Variants in FRMD6 observed in about 807,000 individuals in gnomAD.
FRMD6 encodes FERM domain containing 6.
FRMD6 carries 37 observed loss-of-function variants against 73.2 expected under a neutral mutation model. The observed-to-expected ratio is 0.51, with a 90% CI of 0.39 to 0.66. The LOEUF is 0.66. Ranked by LOEUF, FRMD6 falls within the 30% of genes least tolerant of loss-of-function variation. FRMD6 has a pLI of 0.00. For synonymous variants in FRMD6, 273 were observed against 282.2 expected, an observed-to-expected ratio of 0.97 and a Z score of 0.33; for missense variants, 714 against 780.5, an observed-to-expected ratio of 0.91 and a Z score of 1.02.
the FRMD6 span, among the ~76,000 whole-genome samples, chr14:51,466,220 T>G: frequency 6.6e-6 from 1 of 152,222 alleles, no homozygotes; most frequent in Non-Finnish European, 1.5e-5. Flanking sequence ...GCATTTACAT[T>G]TATTAATTGT....
chr14:51,494,923 C>T (rs532245001), intron 1 of FRMD6, among the ~76,000 whole-genome samples: 2 of 152,288 alleles, frequency 1.3e-5, no homozygotes, highest in East Asian at 1.9e-4. Flanking sequence ...CCCAAATATA[C>T]GTTCTCATTC....
At chr14:51,580,844 A>C (rs527836008) in intron 2 of FRMD6, among the ~76,000 whole-genome samples, 1 of 152,330 alleles carries the variant, frequency 6.6e-6, no homozygotes, top group South Asian at 2.1e-4. Context: ...GGAGCACAGC[A>C]CTGTCATGCA....
intron 1 of FRMD6, among the ~76,000 whole-genome samples, chr14:51,663,836 G>A (rs1893393047): frequency 6.6e-6 from 1 of 152,222 alleles, no homozygotes. Flanking sequence ...ATCTGGCCCA[G>A]GTCATCCCAT....
At chr14:51,564,973 C>T (rs1409675020) in intron 1 of FRMD6, among the ~76,000 whole-genome samples, 2 of 152,210 alleles carry the variant, frequency 1.3e-5, no homozygotes, top group Admixed American at 1.3e-4. Context: ...TAACTTGCCA[C>T]GGTCTGTTGT....
the FRMD6 span, among the ~76,000 whole-genome samples, chr14:51,413,031 G>A: frequency 5.4e-4 from 76 of 140,036 alleles, no homozygotes; most frequent in African/African-American, 1.8e-3. Context: ...TCTCTCTGTC[G>A]CCAGGCTGGA....
intron 1 of FRMD6, among the ~76,000 whole-genome samples, chr14:51,674,650 T>A (rs1894256169): frequency 6.6e-6 from 1 of 152,110 alleles, no homozygotes; most frequent in Non-Finnish European, 1.5e-5. Context: ...ATGGTTCCAT[T>A]TTTCATGGAA....
At chr14:51,463,301 T>C in the FRMD6 span, among the ~76,000 whole-genome samples, 3 of 152,250 alleles carry the variant, frequency 2.0e-5, no homozygotes, top group Non-Finnish European at 4.4e-5. Flanking sequence ...TAAAGTGGCA[T>C]AGTATTTGCA....
intron 2 of FRMD6, among the ~76,000 whole-genome samples, chr14:51,624,343 A>G (rs1364813768): frequency 6.6e-6 from 1 of 152,216 alleles, no homozygotes; most frequent in Non-Finnish European, 1.5e-5. Context: ...ATTTTATCTG[A>G]AACTTACCCT....
intron 2 of FRMD6, among the ~76,000 whole-genome samples, chr14:51,590,338 GT>G (rs1440297279): frequency 1.3e-5 from 2 of 151,776 alleles, no homozygotes; most frequent in Non-Finnish European, 2.9e-5. Context: ...TTTTTGGTTT[GT>G]TTTTGTTTTT....
chr14:51,701,014 A>T (rs1896275432), intron 3 of FRMD6, 42 bp from the exon 4 acceptor site: 1 of 997,182 alleles, frequency 1.0e-6, no homozygotes, highest in Non-Finnish European at 1.4e-6. Context: ...TCTTTTAAAA[A>T]TCCTTTCTTT....
Position 51,724,731 on chromosome 14 carries a change from GT to G in FRMD6, c.1493-1036del, listed in dbSNP as rs35156263. The stretch of plus-strand genomic sequence containing the variant: ...AATCACATTACTTAAAGGGTTTTTT[GT>G]TTTTTTTTTTTAAGAAGCCATTTGG... On this transcript the variant is annotated intron_variant, in intron 12 of 13. Coordinates refer to ENST00000344768, the MANE Select transcript of FRMD6 (RefSeq NM_001267046.2). Among the ~76,000 whole-genome samples, 28 of 145,552 alleles carry G rather than the reference GT, an allele frequency of 1.9e-4. 1 individual carries two copies. Among genetic ancestry groups the G allele is most frequent in the South Asian group, 8.8e-4 (4 of 4,556 alleles).
At chr14:51,592,747 C>T (rs976192955) in intron 2 of FRMD6, among the ~76,000 whole-genome samples, 27 of 152,140 alleles carry the variant, frequency 1.8e-4, no homozygotes, top group Admixed American at 2.6e-4. Context: ...CTTTAGATTA[C>T]AGCAAATAGG....
chr14:51,669,889 A>ATG (rs1893876401), intron 1 of FRMD6, among the ~76,000 whole-genome samples: 6 of 149,854 alleles, frequency 4.0e-5, no homozygotes, highest in African/African-American at 1.5e-4. Flanking sequence ...CCCTAAGAAA[A>ATG]CCAGGGCAAC....
At chr14:51,694,717 T>A (rs1895828568) in intron 2 of FRMD6, among the ~76,000 whole-genome samples, 2 of 152,026 alleles carry the variant, frequency 1.3e-5, no homozygotes, top group South Asian at 4.1e-4. Context: ...CCATATAGAG[T>A]ATATTTTTAG....
chr14:51,550,549 C>A (rs1596579667), intron 1 of FRMD6, among the ~76,000 whole-genome samples: 1 of 150,350 alleles, frequency 6.7e-6, no homozygotes, highest in Admixed American at 6.7e-5. Flanking sequence ...CTTGCCAGTG[C>A]CAGCCTCATC....
intron 10 of FRMD6, among the ~76,000 whole-genome samples, chr14:51,718,965 T>A (rs1460359023): frequency 2.6e-5 from 4 of 152,192 alleles, no homozygotes; most frequent in African/African-American, 7.2e-5. Context: ...ACAAGACAAT[T>A]AAAATCCATT....
chr14:51,440,015 A>T, the FRMD6 span, among the ~76,000 whole-genome samples: 136,715 of 152,232 alleles, frequency 0.9, 61,596 homozygotes, highest in Non-Finnish European at 0.91. Context: ...ATGCTAATGT[A>T]TGAAGAACAG....
chr14:51,721,749 A>AGGGAGGAG (rs1897612487), intron 11 of FRMD6, among the ~76,000 whole-genome samples, 200 bp from the exon 12 acceptor site: 1 of 55,342 alleles, frequency 1.8e-5, no homozygotes, highest in African/African-American at 6.9e-5. Flanking sequence ...GAAGGAAGGG[A>AGGGAGGAG]GGAAGGAAGG....
the FRMD6 span, chr14:51,436,903 TGAA>T: frequency 0.13 from 114,530 of 903,582 alleles, 16,336 homozygotes; most frequent in African/African-American, 0.16. Flanking sequence ...AGGATGAAGG[TGAA>T]GAAGAAGAAG....
Sources: gnomAD v4.1 joint callset for allele counts (sites outside exome capture counted in the v4.1 genomes callset) on GRCh38, gnomAD v4.1.1 for gene constraint, MANE v1.5 for transcripts, NCBI Gene and HGNC (gene_info 2026-07-23, HGNC 2026-07-21) for gene names.